The following TRAPPC13 variants were observed in gnomAD, a reference collection of about 807,000 sequenced individuals.
The protein encoded by TRAPPC13 is REV7-interacting novel NHEJ regulator 1.
Under a neutral mutation model 54.0 loss-of-function variants are expected in TRAPPC13, and 39 were observed. That is an observed-to-expected ratio of 0.72 (90% CI 0.56 to 0.94). The LOEUF is 0.94. Among genes scored for constraint, TRAPPC13 ranks in the 40% least tolerant of loss-of-function variants. The probability of loss-of-function intolerance (pLI) is 0.00; values close to 1 mark genes in which losing one functional copy is unlikely to be tolerated. For synonymous variants in TRAPPC13, 148 were observed against 167.7 expected, an observed-to-expected ratio of 0.88 and a Z score of 0.91; for missense variants, 386 against 488.1, an observed-to-expected ratio of 0.79 and a Z score of 1.97.
chr5:65,630,416 AGG>A (rs1231187629), intron 1 of TRAPPC13: 5 of 1,403,550 alleles, frequency 3.6e-6, no homozygotes, highest in Non-Finnish European at 4.6e-6. Context: ...TAATTTTTAC[AGG>A]TTTTAAAATT....
At chr5:65,631,844 A>G (rs781769444) in intron 1 of TRAPPC13, among the ~76,000 whole-genome samples, 20 of 151,988 alleles carry the variant, frequency 1.3e-4, no homozygotes, top group East Asian at 1.2e-3. Context: ...ACTTTTCTTT[A>G]TAATAGAAAT....
At chr5:65,653,753 C>A (rs1323530428) in intron 7 of TRAPPC13, among the ~76,000 whole-genome samples, 1 of 152,128 alleles carries the variant, frequency 6.6e-6, no homozygotes, top group Non-Finnish European at 1.5e-5. Flanking sequence ...TAGGAAAGAG[C>A]ATACCTATTT....
chr5:65,664,014 C>A, intron 11 of TRAPPC13: 1 of 480,328 alleles, frequency 2.1e-6, no homozygotes, highest in East Asian at 3.6e-5. Context: ...TCCAGACAGG[C>A]AGATTAGTCT....
At chr5:65,649,730 C>T (rs1194653232) in intron 5 of TRAPPC13, among the ~76,000 whole-genome samples, 6 of 151,984 alleles carry the variant, frequency 3.9e-5, no homozygotes, top group African/African-American at 7.3e-5. Context: ...ACCACTTTCT[C>T]GTATTGTTAC....
chr5:65,625,176 A>G (rs1325679380), intron 1 of TRAPPC13, 70 bp downstream of exon 1: 2 of 1,302,940 alleles, frequency 1.5e-6, no homozygotes, highest in Non-Finnish European at 1.1e-6. Flanking sequence ...AGCCTTTGCC[A>G]TGTAGGCCTC....
At chr5:65,644,589 T>C (rs891204634) in intron 4 of TRAPPC13, among the ~76,000 whole-genome samples, 2 of 152,194 alleles carry the variant, frequency 1.3e-5, no homozygotes, top group Non-Finnish European at 2.9e-5. Context: ...CAAAAATGTT[T>C]AAGAATTTAT....
intron 4 of TRAPPC13, among the ~76,000 whole-genome samples, chr5:65,640,715 T>C (rs1755932830): frequency 6.6e-6 from 1 of 152,212 alleles, no homozygotes; most frequent in Non-Finnish European, 1.5e-5. Flanking sequence ...GAATTTATTT[T>C]TATAAGAGAT....
rs557865977 is a variant in TRAPPC13 at position 65,638,768 on chromosome 5, G to A, written c.300+988G>A. 9.2e-5 allele frequency among the ~76,000 whole-genome samples: 14 copies of A among 152,272 alleles called. 1 individual carries two copies. Among genetic ancestry groups the A allele is most frequent in the South Asian group, 8.3e-4 (4 of 4,830 alleles). On this transcript the variant is annotated intron_variant, in intron 4 of 12. Coordinates refer to ENST00000399438, the MANE Select transcript of TRAPPC13 (RefSeq NM_024941.4). ...GCAGGCAAAGAGAGAGAGCTTGTGC[G>A]GGGAAACTCCCATTTTTAAAACCAT...
At chr5:65,629,515 A>G (rs1755428740) in intron 1 of TRAPPC13, 1 of 1,441,222 alleles carries the variant, frequency 6.9e-7, no homozygotes, top group Admixed American at 2.8e-5. Flanking sequence ...TGCAATAATA[A>G]ATTAACATTC....
chr5:65,641,981 G>A (rs879666401), intron 4 of TRAPPC13, among the ~76,000 whole-genome samples: 3 of 151,282 alleles, frequency 2.0e-5, no homozygotes, highest in Admixed American at 2.0e-4. Context: ...ATTTCATGTA[G>A]ATTTTCACAT....
intron 8 of TRAPPC13, among the ~76,000 whole-genome samples, chr5:65,656,782 C>T (rs1334260302): frequency 2.6e-5 from 4 of 151,622 alleles, no homozygotes; most frequent in African/African-American, 9.7e-5. Flanking sequence ...GGCACTTGCC[C>T]GTAATCCCAG....
Position 65,662,097 on chromosome 5 carries a change from T to TA in TRAPPC13, c.946dup (p.Thr316AsnfsTer5). 1 of 1,609,786 alleles carries TA rather than the reference T, an allele frequency of 6.2e-7. No homozygotes were observed. Among genetic ancestry groups the TA allele is most frequent in the Non-Finnish European group, 8.5e-7 (1 of 1,178,050 alleles). On this transcript the variant is annotated frameshift_variant, in exon 11 of 13. Transcript: ENST00000399438. LOFTEE classifies it high-confidence loss of function. ...GGTTGTCTTTGGAGGCAATACCAGA[T>TA]ACCGTAAACCTTGAAGAACCTTTTC...
At chr5:65,639,667 A>G (rs193113436) in intron 4 of TRAPPC13, among the ~76,000 whole-genome samples, 2 of 152,344 alleles carry the variant, frequency 1.3e-5, no homozygotes, top group East Asian at 3.9e-4. Context: ...AAAAAATTAA[A>G]TAAAAAACAG....
intron 1 of TRAPPC13, among the ~76,000 whole-genome samples, chr5:65,634,409 T>C (rs927658436): frequency 6.6e-6 from 1 of 152,236 alleles, no homozygotes; most frequent in Non-Finnish European, 1.5e-5. Context: ...TAATATGTAG[T>C]AAATTCAGTT....
At position 65,635,227 on chromosome 5, in the gene TRAPPC13, C is replaced by T; in HGVS notation, c.47-74C>T. ...ATGTTAGTATAAAATGGATGAATGTCATACACTAGACTTGAGAATATTAAC... is the reference window on the plus strand; with the variant it reads ...ATGTTAGTATAAAATGGATGAATGTTATACACTAGACTTGAGAATATTAAC... On this transcript the variant is annotated intron_variant, in intron 1 of 12. Transcript: ENST00000399438. 4 of 1,256,340 alleles carry T rather than the reference C, an allele frequency of 3.2e-6. No homozygotes were observed. In the South Asian group the frequency reaches 5.3e-5, roughly 17 times the overall value. 77.8% of individuals were successfully genotyped at this position (1,256,340 alleles called of 1,614,324 possible).
At chr5:65,631,265 G>T (rs896745256) in intron 1 of TRAPPC13, among the ~76,000 whole-genome samples, 10 of 152,214 alleles carry the variant, frequency 6.6e-5, no homozygotes, top group African/African-American at 9.6e-5. Flanking sequence ...CTCAGTGCCT[G>T]TCATGGTAGG....
intron 7 of TRAPPC13, among the ~76,000 whole-genome samples, chr5:65,653,156 A>G (rs1756534818): frequency 6.6e-6 from 1 of 151,292 alleles, no homozygotes; most frequent in Non-Finnish European, 1.5e-5. Flanking sequence ...AGAACTTGCC[A>G]TAGGAGAAAG....
chr5:65,630,183 C>T (rs1475177775), intron 1 of TRAPPC13: 1 of 1,535,858 alleles, frequency 6.5e-7, no homozygotes, highest in Non-Finnish European at 8.7e-7. Context: ...GAACTTCCAT[C>T]TTGTAATGCT....
At chr5:65,656,200 A>C (rs1318372268) in intron 8 of TRAPPC13, among the ~76,000 whole-genome samples, 1 of 152,246 alleles carries the variant, frequency 6.6e-6, no homozygotes, top group Non-Finnish European at 1.5e-5. Context: ...CATATGTAAT[A>C]ACATCAACTG....
Sources: allele counts gnomAD v4.1 joint callset (sites outside exome capture counted in the v4.1 genomes callset), GRCh38; gene constraint gnomAD v4.1.1; transcripts MANE v1.5; gene names NCBI Gene and HGNC (gene_info 2026-07-23, HGNC 2026-07-21).